The following GPC3 variants were observed in gnomAD, a reference collection of about 807,000 sequenced individuals.
The protein encoded by GPC3 is glypican-3.
Under a neutral mutation model 34.4 loss-of-function variants are expected in GPC3, and 3 were observed. The ratio of observed to expected loss-of-function variants is 0.09; its 90% CI spans 0.04 to 0.23. The LOEUF (loss-of-function observed/expected upper bound fraction) is 0.23, where lower values mean the gene tolerates loss of function less well. Ranked by LOEUF, GPC3 falls within the 10% of genes least tolerant of loss-of-function variation. The pLI is 1.00. For synonymous variants in GPC3, 177 were observed against 174.0 expected (o/e 1.02, Z -0.13); for missense variants, 351 against 445.6 (o/e 0.79, Z 1.91).
intron 7 of GPC3, among the ~76,000 whole-genome samples, chrX:133,544,939 C>T (rs2069370251): frequency 9.0e-6 from 1 of 111,532 alleles, no homozygotes. Flanking sequence ...TGGTGGCTCT[C>T]CTCCACCAGC....
intron 2 of GPC3, among the ~76,000 whole-genome samples, chrX:133,944,343 T>C (rs1163408275): frequency 3.6e-5 from 4 of 112,226 alleles, no homozygotes; most frequent in East Asian, 2.8e-4. Flanking sequence ...TTTCAGTTAA[T>C]TGGGTTCAGA....
chrX:133,552,532 G>GA (rs1687708514), intron 7 of GPC3, among the ~76,000 whole-genome samples: 1 of 111,624 alleles, frequency 9.0e-6, no homozygotes, highest in African/African-American at 3.3e-5. Flanking sequence ...TATTAAACTA[G>GA]AGGTTAATCT....
chrX:133,669,088 C>T (rs1285764914), intron 5 of GPC3, among the ~76,000 whole-genome samples: 2 of 111,347 alleles, frequency 1.8e-5, no homozygotes, highest in Non-Finnish European at 1.9e-5. Context: ...CACAGAGATA[C>T]GACAGTATGG....
rs111725587 is a variant in GPC3 at position 133,831,965 on chromosome X, A to G, written c.338-77789T>C. 6.9e-3 allele frequency among the ~76,000 whole-genome samples: 775 copies of G among 111,663 alleles called. 6 individuals carry two copies. Among genetic ancestry groups the G allele is most frequent in the African/African-American group, 0.024 (744 of 30,713 alleles). On this transcript the variant is annotated intron_variant, in intron 2 of 7. Transcript: ENST00000370818. ...CCCCTTTTACACACAAGTGATATAC[A>G]CTGAGGTTAAGCGATTTATCTAAAA...
chrX:133,662,865 C>CTT (rs199947953), intron 5 of GPC3, among the ~76,000 whole-genome samples: 1 of 107,153 alleles, frequency 9.3e-6, no homozygotes, highest in Non-Finnish European at 1.9e-5. Flanking sequence ...TCATTATATA[C>CTT]TTTTTTTTTT....
chrX:133,860,251 C>T (rs747190299), intron 2 of GPC3, among the ~76,000 whole-genome samples: 151 of 111,808 alleles, frequency 1.4e-3, no homozygotes, highest in African/African-American at 4.5e-3. Flanking sequence ...CTCATAACAA[C>T]CCTGTTAAGT....
At chrX:133,976,272 A>G (rs1401683116) in intron 1 of GPC3, among the ~76,000 whole-genome samples, 4 of 111,944 alleles carry the variant, frequency 3.6e-5, no homozygotes, top group Non-Finnish European at 7.5e-5. Context: ...ATGTGTGTGT[A>G]TGTGTGCTGG....
intron 2 of GPC3, among the ~76,000 whole-genome samples, chrX:133,867,286 C>T (rs1049503031): frequency 2.9e-4 from 32 of 111,227 alleles, no homozygotes; most frequent in African/African-American, 9.1e-4. Context: ...CCATCACTAT[C>T]AGGTCTAGCA....
rs180978026 is a variant in GPC3 at position 133,599,274 on chromosome X, G to A, written c.1414-2675C>T. ...AATCTTTTAAAAGTGCAAGAGATGA[G>A]GTTTAATAAAATTAGTAACTTTTTA... is the stretch of plus-strand genomic sequence containing the variant. On this transcript the variant is annotated intron_variant, in intron 6 of 7. Coordinates refer to ENST00000370818, the MANE Select transcript of GPC3 (RefSeq NM_004484.4). Among the ~76,000 whole-genome samples the A allele has an allele frequency of 8.9e-5, 10 of 111,947 alleles. No homozygotes were observed. In the East Asian group the frequency reaches 2.5e-3, roughly 28 times the overall value.
chrX:133,913,523 G>C (rs1357287833), intron 2 of GPC3, among the ~76,000 whole-genome samples: 1 of 112,139 alleles, frequency 8.9e-6, no homozygotes, highest in Non-Finnish European at 1.9e-5. Flanking sequence ...TAATATCTCA[G>C]TCTGACAGCT....
At chrX:133,647,053 G>A (rs1157802315) in intron 6 of GPC3, among the ~76,000 whole-genome samples, 1 of 111,269 alleles carries the variant, frequency 9.0e-6, no homozygotes, top group Non-Finnish European at 1.9e-5. Context: ...AAACCCCAAG[G>A]TAACATTTTG....
Position 133,596,445 on chromosome X carries a change from A to G in GPC3, c.1568T>C (p.Leu523Pro), listed in dbSNP as rs1015207544. The G allele has an allele frequency of 6.6e-6, 8 of 1,206,276 alleles. No individual in the cohort carries two copies. Among genetic ancestry groups the G allele is most frequent in the Non-Finnish European group, 9.0e-6 (8 of 891,760 alleles). ...GGTCAGCACTAATCAGTTACCTGCA[A>G]GGAAGCGGAGCTGATTCTTCACTTT... is the stretch of plus-strand genomic sequence containing the variant. ...MIKVKNQLRF[L>P]AELAYDLDVD... The change falls in exon 7 of 8, where the codon CTT (leucine) becomes CCT (proline). Residue 523 changes from leucine (L) to proline (P), a missense_variant. Leu to Pro is a moderately conservative substitution (Grantham distance 98, BLOSUM62 -3). Coordinates refer to ENST00000370818, the MANE Select transcript of GPC3 (RefSeq NM_004484.4).
intron 5 of GPC3, among the ~76,000 whole-genome samples, chrX:133,664,020 A>T (rs1172775192): frequency 8.9e-6 from 1 of 112,067 alleles, no homozygotes; most frequent in Non-Finnish European, 1.9e-5. Flanking sequence ...AATCTTTTTA[A>T]CTGAAAAAAT....
rs753987319 is a variant in GPC3, at chrX:133,913,955, A to C, written c.337+39095T>G. The stretch of plus-strand genomic sequence containing the variant: ...AAAAAAAAGCTTGCCTATTAACTCC[A>C]AACCAATCACCTCCTGCTTCCCTTG... On this transcript the variant is annotated intron_variant, in intron 2 of 7. Transcript: ENST00000370818. Among the ~76,000 whole-genome samples the C allele has an allele frequency of 5.5e-5, 6 of 110,043 alleles. No individual in the cohort carries two copies. The East Asian group carries it at 1.4e-3, about 26-fold the overall frequency.
chrX:133,853,725 TAAG>T, intron 2 of GPC3, among the ~76,000 whole-genome samples: 1 of 112,198 alleles, frequency 8.9e-6, no homozygotes, highest in East Asian at 2.8e-4. Flanking sequence ...TAGTAGAGCA[TAAG>T]AAGTGCAAGA....
At chrX:133,705,632 G>A (rs915682425) in intron 3 of GPC3, among the ~76,000 whole-genome samples, 2 of 112,183 alleles carry the variant, frequency 1.8e-5, no homozygotes, top group Non-Finnish European at 3.8e-5. Context: ...CGATTTTCCC[G>A]TGTCATGGAG....
At chrX:133,624,196 A>G (rs941138449) in intron 6 of GPC3, among the ~76,000 whole-genome samples, 4 of 112,184 alleles carry the variant, frequency 3.6e-5, no homozygotes, top group Non-Finnish European at 7.5e-5. Context: ...AATGCCCACA[A>G]GAGAAAGCAG....
chrX:133,567,789 T>C (rs1569384529), intron 7 of GPC3, among the ~76,000 whole-genome samples: 1 of 112,135 alleles, frequency 8.9e-6, no homozygotes, highest in Admixed American at 9.4e-5. Context: ...GGCCCACTTA[T>C]AACACATGCT....
intron 2 of GPC3, among the ~76,000 whole-genome samples, chrX:133,876,156 T>C (rs1265800673): frequency 8.9e-6 from 1 of 112,472 alleles, no homozygotes; most frequent in African/African-American, 3.2e-5. Context: ...AACATGATCA[T>C]AATTCTTATG....
Sources: allele counts gnomAD v4.1 joint callset (sites outside exome capture counted in the v4.1 genomes callset), GRCh38; gene constraint gnomAD v4.1.1; transcripts MANE v1.5; gene names NCBI Gene and HGNC (gene_info 2026-07-23, HGNC 2026-07-21).